ZSCAN5A: variants seen among roughly 807,000 people sequenced by gnomAD.
The protein encoded by ZSCAN5A is zinc finger and SCAN domain containing 5A.
In ZSCAN5A, 12 loss-of-function variants were observed where a neutral mutation model predicts 23.7. The ratio of observed to expected loss-of-function variants is 0.51; its 90% CI spans 0.32 to 0.82. The LOEUF (loss-of-function observed/expected upper bound fraction) is 0.82. Ranked by LOEUF, ZSCAN5A falls within the 40% of genes least tolerant of loss-of-function variation. The probability of loss-of-function intolerance (pLI) is 0.03; values close to 1 mark genes in which losing one functional copy is unlikely to be tolerated. For synonymous variants in ZSCAN5A, 257 were observed against 239.9 expected, an observed-to-expected ratio of 1.07 and a Z score of -0.66; for missense variants, 597 against 617.9, an observed-to-expected ratio of 0.97 and a Z score of 0.36.
intron 2 of ZSCAN5A, among the ~76,000 whole-genome samples, chr19:56,233,843 C>A (rs2034665595): frequency 6.6e-6 from 1 of 152,132 alleles, no homozygotes; most frequent in Non-Finnish European, 1.5e-5. Context: ...AACAAGGATG[C>A]AAATGCGGAG....
intron 2 of ZSCAN5A, among the ~76,000 whole-genome samples, chr19:56,326,245 G>A (rs757872094): frequency 1.3e-5 from 2 of 151,226 alleles, no homozygotes; most frequent in East Asian, 1.9e-4. Context: ...CCTGATATAC[G>A]TATATATTGT....
chr19:56,265,349 T>C (rs532240930), intron 2 of ZSCAN5A, among the ~76,000 whole-genome samples: 5 of 148,682 alleles, frequency 3.4e-5, no homozygotes, highest in Non-Finnish European at 7.4e-5. Context: ...CAAATATTAA[T>C]TGAGCATCTA....
Position 56,352,555 on chromosome 19 carries a change from A to G in ZSCAN5A, c.-358+10680T>C, listed in dbSNP as rs1006235841. On this transcript the variant is annotated intron_variant, in intron 2 of 6. Transcript: ENST00000587340. The surrounding 1 kb of genome is among the most constrained non-coding windows in gnomAD (Gnocchi z 4.2). ...ATGGTGAGGAAGAATATTCAAGACA[A>G]TTGCAACAGGGGAGAGAGACCCAAC... Among the ~76,000 whole-genome samples, 3 of 152,208 alleles carry G rather than the reference A, an allele frequency of 2.0e-5. No individual in the cohort carries two copies. The highest frequency in any genetic ancestry group is 4.4e-5 in the Non-Finnish European group (3 of 68,030).
chr19:56,334,110 T>C (rs995513424), intron 2 of ZSCAN5A, among the ~76,000 whole-genome samples: 2 of 152,182 alleles, frequency 1.3e-5, no homozygotes, highest in African/African-American at 4.8e-5. Context: ...GGCAGGCCCA[T>C]GTACAGGCTT....
chr19:56,357,989 A>G (rs2041708910), intron 2 of ZSCAN5A, among the ~76,000 whole-genome samples: 1 of 148,860 alleles, frequency 6.7e-6, no homozygotes, highest in South Asian at 2.1e-4. Context: ...ACAGACTTTA[A>G]ACCAAGAAAG....
chr19:56,301,028 T>G (rs1314210601), intron 2 of ZSCAN5A, among the ~76,000 whole-genome samples: 1 of 152,096 alleles, frequency 6.6e-6, no homozygotes, highest in Non-Finnish European at 1.5e-5. Flanking sequence ...GAGCAGAGCC[T>G]GAAGCCTGGG....
intron 2 of ZSCAN5A, among the ~76,000 whole-genome samples, chr19:56,271,674 G>A (rs992874407): frequency 7.2e-5 from 11 of 152,268 alleles, no homozygotes; most frequent in South Asian, 6.2e-4. Flanking sequence ...CAGAGATGGC[G>A]GCAGGAGAGA....
chr19:56,237,341 C>A lies in ZSCAN5A; in HGVS notation c.-127-12168G>T, dbSNP rs535626716. On this transcript the variant is annotated intron_variant, in intron 2 of 5. Coordinates refer to ENST00000683990, the MANE Select transcript of ZSCAN5A (RefSeq NM_001322064.3). ...TGCACATTGCTGAGGAGGATCCACA[C>A]CGCCATTCTGATTGTCACTTTCAGT... Among the ~76,000 whole-genome samples the A allele has an allele frequency of 2.6e-5, 4 of 152,220 alleles. No individual in the cohort carries two copies. In the East Asian group the frequency reaches 5.8e-4, roughly 22 times the overall value.
At position 56,268,163 on chromosome 19, in the gene ZSCAN5A, C is replaced by A. The variant is rs145610240; in HGVS notation, c.-127-42990G>T. ...CTGGAGAGCCAGCCAGAGCCCAGGA[C>A]ATGGGTTGTCTATTCTAGGACCTAG... On this transcript the variant is annotated intron_variant, in intron 2 of 5. Transcript: ENST00000683990. 2.1e-3 allele frequency among the ~76,000 whole-genome samples: 320 copies of A among 152,326 alleles called. 2 individuals are homozygous for A. Among genetic ancestry groups the A allele is most frequent in the Non-Finnish European group, 4.0e-3 (271 of 68,016 alleles).
chr19:56,309,830 T>C (rs908273157), intron 2 of ZSCAN5A, among the ~76,000 whole-genome samples: 13 of 152,156 alleles, frequency 8.5e-5, no homozygotes, highest in African/African-American at 3.1e-4. Context: ...GGCTGGTTTC[T>C]AGAAGAGCCC....
At chr19:56,293,658 A>C (rs1468787067) in intron 2 of ZSCAN5A, among the ~76,000 whole-genome samples, 1 of 152,170 alleles carries the variant, frequency 6.6e-6, no homozygotes, top group Non-Finnish European at 1.5e-5. Flanking sequence ...TGTGAGGAGT[A>C]AACAGGATCA....
At chr19:56,356,871 C>T (rs2041703474) in intron 2 of ZSCAN5A, among the ~76,000 whole-genome samples, 1 of 148,384 alleles carries the variant, frequency 6.7e-6, no homozygotes, top group African/African-American at 2.5e-5. Context: ...ATCCCTGGAC[C>T]TGCACTATGA....
At chr19:56,234,057 T>C (rs2034681764) in intron 2 of ZSCAN5A, among the ~76,000 whole-genome samples, 1 of 151,910 alleles carries the variant, frequency 6.6e-6, no homozygotes, top group South Asian at 2.1e-4. Flanking sequence ...AAATAAGAGA[T>C]TGTGTGTCCG....
At chr19:56,325,308 T>G (rs2041422510) in intron 2 of ZSCAN5A, among the ~76,000 whole-genome samples, 1 of 152,214 alleles carries the variant, frequency 6.6e-6, no homozygotes, top group African/African-American at 2.4e-5. Context: ...CCACACAGAA[T>G]GGGGCCCCTC....
chr19:56,283,122 G>T (rs1314518362), intron 2 of ZSCAN5A: 1 of 152,158 alleles, frequency 6.6e-6, no homozygotes, highest in Non-Finnish European at 1.5e-5. Flanking sequence ...ACTTTGCAAG[G>T]TTAAGTGAAC....
chr19:56,227,535 C>T (rs1243235895), intron 2 of ZSCAN5A, among the ~76,000 whole-genome samples: 1 of 152,122 alleles, frequency 6.6e-6, no homozygotes, highest in East Asian at 1.9e-4. Flanking sequence ...TCCTAGAAAT[C>T]ACTTTGTATT....
chr19:56,251,910 G>C (rs757769062), intron 2 of ZSCAN5A, among the ~76,000 whole-genome samples: 22 of 152,122 alleles, frequency 1.4e-4, no homozygotes, highest in Non-Finnish European at 2.5e-4. Flanking sequence ...GAGCAAACCA[G>C]AGAAGAATAT....
intron 2 of ZSCAN5A, chr19:56,282,596 G>T: frequency 1.3e-6 from 1 of 741,052 alleles, no homozygotes; most frequent in Non-Finnish European, 1.6e-6. Flanking sequence ...TTCTTCTCTG[G>T]TCTGTTCACA....
At chr19:56,303,403 G>C (rs563005370) in intron 2 of ZSCAN5A, among the ~76,000 whole-genome samples, 151 of 151,946 alleles carry the variant, frequency 9.9e-4, no homozygotes, top group African/African-American at 3.5e-3. Context: ...ACTTGAACCT[G>C]GGAAGCAGAG....
Sources: allele counts gnomAD v4.1 joint callset (sites outside exome capture counted in the v4.1 genomes callset), GRCh38; gene constraint gnomAD v4.1.1; non-coding constraint Gnocchi (gnomAD v3.1); transcripts MANE v1.5; gene names NCBI Gene and HGNC (gene_info 2026-07-23, HGNC 2026-07-21).